The following RPRD1B variants were observed in gnomAD, a reference collection of about 807,000 sequenced individuals.
RPRD1B encodes regulation of nuclear pre-mRNA domain containing 1B.
RPRD1B carries 11 observed loss-of-function variants against 41.5 expected under a neutral mutation model. The ratio of observed to expected loss-of-function variants is 0.27; its 90% CI spans 0.17 to 0.44. The LOEUF is 0.44. Ranked by LOEUF, RPRD1B falls within the 20% of genes least tolerant of loss-of-function variation. The pLI is 1.00. For synonymous variants in RPRD1B, 158 were observed against 155.6 expected (o/e 1.02, Z -0.12); for missense variants, 248 against 389.9 (o/e 0.64, Z 3.06).
At chr20:38,043,222 T>G (rs1341343581) in intron 2 of RPRD1B, among the ~76,000 whole-genome samples, 2 of 152,216 alleles carry the variant, frequency 1.3e-5, no homozygotes, top group Non-Finnish European at 2.9e-5. Context: ...AAATGACATT[T>G]GCGGTAATCA....
At chr20:38,048,634 G>T (rs2074145896) in intron 3 of RPRD1B, 153 bp downstream of exon 3, 5 of 966,376 alleles carry the variant, frequency 5.2e-6, no homozygotes, top group Non-Finnish European at 6.2e-6. Flanking sequence ...AATTTATGTA[G>T]TGCTCACAGC....
chr20:38,069,363 C>T (rs2074389618), intron 6 of RPRD1B, among the ~76,000 whole-genome samples: 1 of 152,160 alleles, frequency 6.6e-6, no homozygotes, highest in Non-Finnish European at 1.5e-5. Flanking sequence ...ATTAAGGAGG[C>T]ATTTGGCGGT....
chr20:38,073,249 G>A (rs2074428687), intron 6 of RPRD1B, among the ~76,000 whole-genome samples: 1 of 152,210 alleles, frequency 6.6e-6, no homozygotes, highest in Non-Finnish European at 1.5e-5. Flanking sequence ...AAGTGTGAAA[G>A]AACCTACTCT....
chr20:38,062,263 C>A (rs1204471471), intron 5 of RPRD1B, among the ~76,000 whole-genome samples: 1 of 152,174 alleles, frequency 6.6e-6, no homozygotes, highest in Non-Finnish European at 1.5e-5. Context: ...TTTCTTCACT[C>A]CTCCTTGACC....
intron 4 of RPRD1B, among the ~76,000 whole-genome samples, chr20:38,058,257 G>C (rs185748812): frequency 6.0e-5 from 9 of 151,198 alleles, no homozygotes; most frequent in South Asian, 2.1e-4. Flanking sequence ...AGGCGGGGGC[G>C]GGGGGGGCTT....
Position 38,041,060 on chromosome 20 carries a change from T to A in RPRD1B, c.281+496T>A, listed in dbSNP as rs186762761. On this transcript the variant is annotated intron_variant, in intron 2 of 6. Coordinates refer to ENST00000373433, the MANE Select transcript of RPRD1B (RefSeq NM_021215.4). ...TAGTGTAGAAAGTAGGTGTTTGCTC[T>A]GGCTATATTGTATTAAGCCTGGTGC... Among the ~76,000 whole-genome samples, 895 of 152,276 alleles carry A rather than the reference T, an allele frequency of 5.9e-3. 2 individuals carry two copies. The highest frequency in any genetic ancestry group is 9.8e-3 in the Admixed American group (150 of 15,296).
At position 38,066,062 on chromosome 20, in the gene RPRD1B, T is replaced by C; in HGVS notation, c.656-19T>C. ...TGATTTGTATATTTTCTCTATTTTT[T>C]GGTCTCATTTGTACTTAGACAAAGA... On this transcript the variant is annotated intron_variant, in intron 5 of 6. Coordinates refer to ENST00000373433, the MANE Select transcript of RPRD1B (RefSeq NM_021215.4). 1 of 1,609,208 alleles carries C rather than the reference T, an allele frequency of 6.2e-7. No individual in the cohort carries two copies. Among genetic ancestry groups the C allele is most frequent in the Non-Finnish European group, 8.5e-7 (1 of 1,176,394 alleles).
intron 6 of RPRD1B, among the ~76,000 whole-genome samples, chr20:38,084,488 TTTTG>T (rs1234262024): frequency 2.6e-5 from 4 of 152,146 alleles, no homozygotes; most frequent in African/African-American, 7.2e-5. Context: ...ACGCTTATAG[TTTTG>T]TTTGTTTTGA....
At chr20:38,056,360 C>T (rs62203567) in intron 3 of RPRD1B, among the ~76,000 whole-genome samples, 27,408 of 151,868 alleles carry the variant, frequency 0.18, 2,894 homozygotes, top group Middle Eastern at 0.34. Context: ...CACTGCACTC[C>T]AGCCTGGGCA....
Position 38,058,512 on chromosome 20 carries a change from C to A in RPRD1B, c.528+868C>A, listed in dbSNP as rs528806459. ...CTACTCCTTGGTGATTATGGAGTGG[C>A]CTGTTAGCATTGTTTTCTGACAATT... On this transcript the variant is annotated intron_variant, in intron 4 of 6. Transcript: ENST00000373433. Among the ~76,000 whole-genome samples the A allele has an allele frequency of 3.8e-4, 58 of 152,218 alleles. 2 individuals are homozygous for A. Among genetic ancestry groups the A allele is most frequent in the African/African-American group, 1.3e-3 (52 of 41,534 alleles).
At chr20:38,043,372 GACATGCAGCAGTC>G (rs1268518534) in intron 2 of RPRD1B, among the ~76,000 whole-genome samples, 1 of 152,162 alleles carries the variant, frequency 6.6e-6, no homozygotes, top group African/African-American at 2.4e-5. Context: ...CCGAGAGGTG[GACATGCAGCAGTC>G]ACATACACCC....
intron 2 of RPRD1B, among the ~76,000 whole-genome samples, chr20:38,044,292 G>T (rs2074098857): frequency 6.6e-6 from 1 of 151,834 alleles, no homozygotes; most frequent in African/African-American, 2.4e-5. Flanking sequence ...TAAAGACTCT[G>T]TGCCCAGAGT....
chr20:38,044,372 A>ATTTTTTTTTTTTTTTTTTTTTTTT (rs74179885), intron 2 of RPRD1B, among the ~76,000 whole-genome samples: 1 of 124,544 alleles, frequency 8.0e-6, no homozygotes, highest in African/African-American at 3.2e-5. Flanking sequence ...TCAGGTGTTC[A>ATTTTTTTTTTTTTTTTTTTTTTTT]TTTTTTTTTT....
chr20:38,042,239 A>G (rs1242828576), intron 2 of RPRD1B, among the ~76,000 whole-genome samples: 1 of 152,154 alleles, frequency 6.6e-6, no homozygotes, highest in Non-Finnish European at 1.5e-5. Flanking sequence ...CTGTAGTCCT[A>G]GCTACTTGGG....
chr20:38,052,312 C>A (rs2074193544), intron 3 of RPRD1B, among the ~76,000 whole-genome samples: 1 of 152,156 alleles, frequency 6.6e-6, no homozygotes, highest in Non-Finnish European at 1.5e-5. Flanking sequence ...TTAATATTTT[C>A]AGTCCCCCAG....
rs541652228 is a variant in RPRD1B, at chr20:38,049,785, A to C, written c.415+1304A>C. On this transcript the variant is annotated intron_variant, in intron 3 of 6. Coordinates refer to ENST00000373433, the MANE Select transcript of RPRD1B (RefSeq NM_021215.4). ...TTAGCTACAGATCTGATCTGCCTGC[A>C]TACATGTTTCCTGGAGGATCGAGTC... 53 of 471,200 alleles carry C rather than the reference A, an allele frequency of 1.1e-4. 3 individuals are homozygous for C. Among genetic ancestry groups the C allele is most frequent in the South Asian group, 8.2e-4 (53 of 64,564 alleles). 29.2% of individuals were successfully genotyped at this position (471,200 alleles called of 1,614,324 possible).
rs78029104 is a variant in RPRD1B, at chr20:38,040,148, C to T, written c.152-287C>T. On this transcript the variant is annotated intron_variant, in intron 1 of 6. Transcript: ENST00000373433. Reference sequence around the variant, plus strand: ...TCAACATTAACACTGACTGCTTATCCTTTAGGAATTCTCTTTGGATTATCT... The same window carrying T: ...TCAACATTAACACTGACTGCTTATCTTTTAGGAATTCTCTTTGGATTATCT... Among the ~76,000 whole-genome samples, 15 of 152,260 alleles carry T rather than the reference C, an allele frequency of 9.9e-5. 1 individual carries two copies. In the East Asian group the frequency reaches 2.7e-3, roughly 27 times the overall value.
chr20:38,041,089 T>C (rs944903624), intron 2 of RPRD1B, among the ~76,000 whole-genome samples: 2 of 152,218 alleles, frequency 1.3e-5, no homozygotes, highest in Non-Finnish European at 2.9e-5. Context: ...CTGGTGCTGT[T>C]GTGTTTTGTG....
intron 2 of RPRD1B, among the ~76,000 whole-genome samples, chr20:38,045,871 A>G (rs1270711179): frequency 1.3e-5 from 2 of 152,148 alleles, no homozygotes; most frequent in African/African-American, 4.8e-5. Flanking sequence ...TAATGACTTT[A>G]TTTTTCTAAG....
Sources: allele counts gnomAD v4.1 joint callset (sites outside exome capture counted in the v4.1 genomes callset), GRCh38; gene constraint gnomAD v4.1.1; transcripts MANE v1.5; gene names NCBI Gene and HGNC (gene_info 2026-07-23, HGNC 2026-07-21).